Variants in F11R observed in about 807,000 individuals in gnomAD.
F11R encodes the protein junctional adhesion molecule A.
F11R carries 27 observed loss-of-function variants against 39.3 expected under a neutral mutation model. The observed-to-expected ratio is 0.69, with a 90% CI of 0.51 to 0.95. The LOEUF is 0.95. Among genes scored for constraint, F11R ranks in the 40% least tolerant of loss-of-function variants. The pLI is 0.00. For missense variants in F11R, 335 were observed against 372.7 expected (o/e 0.90, Z 0.83); for synonymous variants, 131 against 144.9 (o/e 0.90, Z 0.69).
At chr1:161,017,188 T>C (rs1649512372) in intron 1 of F11R, among the ~76,000 whole-genome samples, 1 of 152,134 alleles carries the variant, frequency 6.6e-6, no homozygotes. Context: ...TTTCTCCCCA[T>C]GTGATAGTCT....
chr1:161,008,751 T>C (rs1648967146), intron 1 of F11R, among the ~76,000 whole-genome samples: 1 of 152,242 alleles, frequency 6.6e-6, no homozygotes, highest in African/African-American at 2.4e-5. Context: ...TTCACACCAA[T>C]GCAGTCCAAC....
intron 1 of F11R, 100 bp from the exon 2 acceptor site, chr1:161,001,453 A>G (rs986312984): frequency 6.3e-5 from 60 of 956,644 alleles, no homozygotes; most frequent in Non-Finnish European, 9.6e-5. Context: ...CCATTCACAG[A>G]CCCTAAGAGG....
In F11R at chr1:160,999,628, G is replaced by A. The variant is rs546639405; in HGVS notation, c.802+12C>T. The A allele has an allele frequency of 6.2e-7, 1 of 1,609,050 alleles. No homozygotes were observed. Among genetic ancestry groups the A allele is most frequent in the South Asian group, 1.1e-5 (1 of 90,966 alleles). On this transcript the variant is annotated intron_variant, in intron 7 of 9. Transcript: ENST00000368026. Reference sequence around the variant, plus strand: ...GCAGTACAAAGGAGAGCCTCTGGGGGCAGATACTTACTGTCAAAGTGGCCT... The same window carrying A: ...GCAGTACAAAGGAGAGCCTCTGGGGACAGATACTTACTGTCAAAGTGGCCT...
At chr1:161,018,145 T>G (rs1041508572) in intron 1 of F11R, among the ~76,000 whole-genome samples, 3 of 152,246 alleles carry the variant, frequency 2.0e-5, no homozygotes, top group African/African-American at 7.2e-5. Flanking sequence ...GCTAGTACTC[T>G]GGGTCATCAG....
At chr1:161,006,865 G>A (rs532362483) in intron 1 of F11R, among the ~76,000 whole-genome samples, 2 of 152,258 alleles carry the variant, frequency 1.3e-5, no homozygotes, top group Non-Finnish European at 2.9e-5. Context: ...GACTGCCTGC[G>A]TTCAAATCCC....
chr1:160,999,205 A>G, intron 8 of F11R, 114 bp from the exon 9 acceptor site: 1 of 1,434,070 alleles, frequency 7.0e-7, no homozygotes, highest in Non-Finnish European at 9.4e-7. Flanking sequence ...AGTGCGCAGC[A>G]GACAGGTATG....
At chr1:161,010,476 T>G (rs575661810) in intron 1 of F11R, among the ~76,000 whole-genome samples, 3 of 140,770 alleles carry the variant, frequency 2.1e-5, no homozygotes, top group Admixed American at 7.2e-5. Flanking sequence ...CCAAACCATA[T>G]GGCTACAAAT....
chr1:160,999,219 G>GC (rs869027200), intron 8 of F11R, 128 bp from the exon 9 acceptor site: 1 of 1,289,846 alleles, frequency 7.8e-7, no homozygotes, highest in Admixed American at 2.2e-5. Flanking sequence ...AGGTATGGGT[G>GC]GGGTAACAGG....
intron 3 of F11R, 37 bp downstream of exon 3, chr1:161,000,983 C>T (rs1648447145): frequency 1.9e-6 from 3 of 1,573,780 alleles, no homozygotes; most frequent in Middle Eastern, 1.7e-4. Context: ...AATCCCTCCA[C>T]AACCTAGGCA....
At chr1:161,013,733 G>A (rs148952160) in intron 1 of F11R, among the ~76,000 whole-genome samples, 1 of 152,314 alleles carries the variant, frequency 6.6e-6, no homozygotes, top group East Asian at 1.9e-4. Context: ...CGGGTCCTCT[G>A]AGGATGGCAG....
At chr1:161,005,164 A>AT (rs1648730052) in intron 1 of F11R, among the ~76,000 whole-genome samples, 1 of 82,516 alleles carries the variant, frequency 1.2e-5, no homozygotes, top group Non-Finnish European at 3.2e-5. Context: ...TGTCTCAAAA[A>AT]TAAAATAATA....
In F11R at chr1:161,020,907, G is replaced by C. The variant is rs189892574; in HGVS notation, c.64+103C>G. 1,855 of 991,818 alleles carry C rather than the reference G, an allele frequency of 1.9e-3. 27 individuals carry two copies. The African/African-American group carries it at 0.026, about 14-fold the overall frequency. The allele number at this position is 991,818 out of a possible 1,614,324, so 61.4% of individuals were successfully genotyped here. On this transcript the variant is annotated intron_variant, in intron 1 of 9. Transcript: ENST00000368026. ...GATAATTCGCAGAACGATATAGGAA[G>C]GTTTCTGAGCTCCTCCCCTCCCGCG...
intron 1 of F11R, among the ~76,000 whole-genome samples, chr1:161,008,459 A>T (rs940262237): frequency 6.6e-6 from 1 of 151,800 alleles, no homozygotes; most frequent in Non-Finnish European, 1.5e-5. Flanking sequence ...CTGAGATGGC[A>T]CCACTGCACT....
At chr1:161,006,002 GT>G (rs1488729775) in intron 1 of F11R, among the ~76,000 whole-genome samples, 2 of 152,068 alleles carry the variant, frequency 1.3e-5, no homozygotes, top group African/African-American at 4.8e-5. Flanking sequence ...GCCGGGCATG[GT>G]GGCGGGCAAC....
At chr1:161,005,784 G>A (rs572964567) in intron 1 of F11R, among the ~76,000 whole-genome samples, 1 of 152,212 alleles carries the variant, frequency 6.6e-6, no homozygotes, top group East Asian at 1.9e-4. Context: ...CTCCCAAAGT[G>A]CTAGGATTAC....
chr1:160,998,907 C>G lies in F11R; in HGVS notation c.865-1G>C. On this transcript the variant is annotated splice_acceptor_variant, in intron 9 of 9. Transcript: ENST00000368026. LOFTEE classifies it high-confidence loss of function. Reference sequence around the variant, plus strand: ...ATGACGAGGTCTGTTTGAATTCTCCCTGCAGAAATAAAACATCCAGTCAAC... The same window carrying G: ...ATGACGAGGTCTGTTTGAATTCTCCGTGCAGAAATAAAACATCCAGTCAAC... The G allele has an allele frequency of 6.2e-7, 1 of 1,614,138 alleles. No homozygotes were observed. The highest frequency in any genetic ancestry group is 8.5e-7 in the Non-Finnish European group (1 of 1,179,974).
intron 1 of F11R, among the ~76,000 whole-genome samples, chr1:161,006,265 C>G (rs1226326486): frequency 6.6e-6 from 1 of 152,128 alleles, no homozygotes; most frequent in Non-Finnish European, 1.5e-5. Flanking sequence ...CTTCCTTCCC[C>G]TCCTTTCCAC....
intron 1 of F11R, among the ~76,000 whole-genome samples, chr1:161,019,321 C>T (rs906709440): frequency 2.6e-5 from 4 of 152,046 alleles, no homozygotes; most frequent in African/African-American, 9.7e-5. Flanking sequence ...CATGGCCAGC[C>T]GCGGTGGCTC....
intron 1 of F11R, among the ~76,000 whole-genome samples, chr1:161,007,636 A>G (rs1648900526): frequency 6.6e-6 from 1 of 152,264 alleles, no homozygotes; most frequent in Non-Finnish European, 1.5e-5. Flanking sequence ...TACTGTACAA[A>G]TAAAGTGCTT....
Sources: allele counts gnomAD v4.1 joint callset (sites outside exome capture counted in the v4.1 genomes callset), GRCh38; gene constraint gnomAD v4.1.1; transcripts MANE v1.5; gene names NCBI Gene and HGNC (gene_info 2026-07-23, HGNC 2026-07-21).